The following NDE1 variants were observed in gnomAD, a reference collection of about 807,000 sequenced individuals.
NDE1 encodes the protein nudE neurodevelopment protein 1, also known as nuclear distribution protein nudE homolog 1.
Under a neutral mutation model 43.4 loss-of-function variants are expected in NDE1, and 28 were observed. The ratio of observed to expected loss-of-function variants is 0.65; its 90% CI spans 0.48 to 0.89. The LOEUF (loss-of-function observed/expected upper bound fraction) is 0.89. Ranked by LOEUF, NDE1 falls within the 40% of genes least tolerant of loss-of-function variation. The pLI, the probability that NDE1 is intolerant of heterozygous loss-of-function variation, is 0.00. For missense variants in NDE1, 441 were observed against 434.1 expected (o/e 1.02, Z -0.14); for synonymous variants, 184 against 172.0 (o/e 1.07, Z -0.55).
intron 8 of NDE1, chr16:15,704,215 G>T: frequency 6.8e-7 from 1 of 1,466,250 alleles, no homozygotes; most frequent in Non-Finnish European, 9.3e-7. Context: ...TGTAGCTATA[G>T]TCCTATTGCA....
At chr16:15,694,771 A>G (rs141443522) in intron 7 of NDE1, 2 of 985,236 alleles carry the variant, frequency 2.0e-6, no homozygotes, top group African/African-American at 1.7e-5. Context: ...CCCTGCTCTG[A>G]ACCCTATGTA....
chr16:15,723,665 G>A (rs2040599762), intron 8 of NDE1, among the ~76,000 whole-genome samples: 1 of 152,064 alleles, frequency 6.6e-6, no homozygotes, highest in African/African-American at 2.4e-5. Context: ...ATCTGATAAA[G>A]TTCATATAAT....
intron 8 of NDE1, among the ~76,000 whole-genome samples, chr16:15,716,341 T>C (rs1169569628): frequency 6.6e-6 from 1 of 152,132 alleles, no homozygotes; most frequent in Non-Finnish European, 1.5e-5. Flanking sequence ...TTTAAATGGG[T>C]GCATTGCAGG....
At chr16:15,650,497 G>A (rs752108935) in intron 1 of NDE1, among the ~76,000 whole-genome samples, 66 of 152,214 alleles carry the variant, frequency 4.3e-4, no homozygotes, top group Admixed American at 2.0e-3. Flanking sequence ...CGCCTCCCTG[G>A]AGCCTCCCGT....
intron 8 of NDE1, chr16:15,718,154 G>T: frequency 9.0e-7 from 1 of 1,109,714 alleles, no homozygotes; most frequent in Non-Finnish European, 1.3e-6. Context: ...CTGGGCACTG[G>T]TGTAAGGGCC....
chr16:15,650,523 A>G (rs2036446542), intron 1 of NDE1, among the ~76,000 whole-genome samples: 1 of 152,174 alleles, frequency 6.6e-6, no homozygotes, highest in Non-Finnish European at 1.5e-5. Context: ...AAAGTTAGGC[A>G]CTGAGTGCCT....
intron 5 of NDE1, among the ~76,000 whole-genome samples, chr16:15,689,823 C>G (rs888782114): frequency 3.3e-5 from 5 of 150,140 alleles, no homozygotes; most frequent in African/African-American, 7.4e-5. Flanking sequence ...GCCTGTAATC[C>G]CAGCTACTTG....
rs1302129458 is a variant in NDE1 at position 15,703,891 on chromosome 16, T to C, written c.947+7031T>C. On this transcript the variant is annotated intron_variant, in intron 8 of 8. Coordinates refer to ENST00000396354, the MANE Select transcript of NDE1 (RefSeq NM_017668.3). ...GATTTAGACAATGCTAAGTACAGTC[T>C]GCTGGGTTTTGCTTTGTTCTGGGTT... 5 of 1,477,918 alleles carry C rather than the reference T, an allele frequency of 3.4e-6. No individual in the cohort carries two copies. In the East Asian group the frequency reaches 6.8e-5, roughly 20 times the overall value. The allele number at this position is 1,477,918 out of a possible 1,614,324, so 91.6% of individuals were successfully genotyped here.
chr16:15,716,203 G>C (rs1420017404), intron 8 of NDE1, among the ~76,000 whole-genome samples: 1 of 152,088 alleles, frequency 6.6e-6, no homozygotes, highest in Non-Finnish European at 1.5e-5. Flanking sequence ...AAAGTGCCGG[G>C]ATTATGGGCA....
chr16:15,708,768 G>A, intron 8 of NDE1: 3 of 1,594,348 alleles, frequency 1.9e-6, no homozygotes, highest in East Asian at 4.5e-5. Flanking sequence ...TGGATACTGA[G>A]ACAACACACA....
chr16:15,720,447 A>G, intron 8 of NDE1: 4 of 1,273,034 alleles, frequency 3.1e-6, no homozygotes, highest in Middle Eastern at 2.5e-4. Context: ...CCAGTTGCAG[A>G]TGAGAAAACG....
intron 8 of NDE1, chr16:15,721,168 A>T: frequency 8.5e-7 from 1 of 1,178,780 alleles, no homozygotes. Context: ...CTCCCACAGG[A>T]TGCATGGCCG....
At position 15,726,198 on chromosome 16, in the gene NDE1, T is replaced by G. The variant is rs2040746818; in HGVS notation, c.*1947T>G. 6.5e-6 allele frequency: 1 copy of G among 154,688 alleles called. No individual in the cohort carries two copies. Among genetic ancestry groups the G allele is most frequent in the African/African-American group, 2.4e-5 (1 of 41,484 alleles). The allele number at this position is 154,688 out of a possible 1,614,324, so 9.6% of individuals were successfully genotyped here. A position where few individuals can be genotyped will look rare whatever the true frequency, so the allele number is the denominator to read the frequency against. ...ATCATTTGACATTCATTTGTGTGAT[T>G]ATTCATGTCTTTCCCTTCCCTTCCC... On this transcript the variant is annotated 3_prime_UTR_variant, in exon 9 of 9. Transcript: ENST00000396354.
At chr16:15,703,102 A>G (rs1048587154) in intron 8 of NDE1, 1 of 179,178 alleles carries the variant, frequency 5.6e-6, no homozygotes, top group Non-Finnish European at 1.2e-5. Context: ...CTTTTCCTCT[A>G]TAGAAAACAG....
intron 1 of NDE1, among the ~76,000 whole-genome samples, chr16:15,655,198 A>G (rs1483499121): frequency 6.6e-6 from 1 of 152,048 alleles, no homozygotes; most frequent in East Asian, 1.9e-4. Flanking sequence ...TTGTGTTTCT[A>G]GTAGAGACAG....
chr16:15,643,661 C>G (rs929760532), exon 1 of NDE1: 1 of 260,118 alleles, frequency 3.8e-6, no homozygotes, highest in African/African-American at 2.4e-5. Flanking sequence ...CATCCTAAAT[C>G]TAGTGCAACC....
At chr16:15,707,663 GAA>G (rs1217785024) in intron 8 of NDE1, among the ~76,000 whole-genome samples, 2 of 152,316 alleles carry the variant, frequency 1.3e-5, no homozygotes, top group Non-Finnish European at 2.9e-5. Context: ...TCCATGAGGT[GAA>G]GTCAGATCCA....
intron 6 of NDE1, among the ~76,000 whole-genome samples, chr16:15,693,740 G>C (rs1193758878): frequency 6.6e-6 from 1 of 152,136 alleles, no homozygotes; most frequent in African/African-American, 2.4e-5. Context: ...AAGAGTTCGA[G>C]ACCAGCCTGG....
At chr16:15,720,876 T>G in intron 8 of NDE1, 1 of 1,613,960 alleles carries the variant, frequency 6.2e-7, no homozygotes, top group Non-Finnish European at 8.5e-7. Flanking sequence ...CTCATTCTGC[T>G]CGTCCCGGGC....
Sources: allele counts gnomAD v4.1 joint callset (sites outside exome capture counted in the v4.1 genomes callset), GRCh38; gene constraint gnomAD v4.1.1; transcripts MANE v1.5; gene names NCBI Gene and HGNC (gene_info 2026-07-23, HGNC 2026-07-21).